ANO10: variants seen among roughly 807,000 people sequenced by gnomAD.
The protein encoded by ANO10 is anoctamin-10.
ANO10 carries 77 observed loss-of-function variants against 74.7 expected under a neutral mutation model. The observed-to-expected ratio is 1.03, with a 90% CI of 0.86 to 1.25. The LOEUF (loss-of-function observed/expected upper bound fraction) is 1.25. ANO10 is among the 50% of genes most tolerant of loss of function. The pLI, the probability that ANO10 is intolerant of heterozygous loss-of-function variation, is 0.00. For missense variants in ANO10, 721 were observed against 778.1 expected (o/e 0.93, Z 0.87); for synonymous variants, 279 against 284.9 (o/e 0.98, Z 0.21).
At chr3:43,535,267 C>CTTTTTTTT (rs71616100) in intron 11 of ANO10, among the ~76,000 whole-genome samples, 1 of 107,894 alleles carries the variant, frequency 9.3e-6, no homozygotes, top group Non-Finnish European at 1.8e-5. Context: ...CCTAGACATT[C>CTTTTTTTT]TTTTTTTTTT....
At chr3:43,564,196 G>A (rs6441781) in intron 8 of ANO10, among the ~76,000 whole-genome samples, 2 of 151,774 alleles carry the variant, frequency 1.3e-5, no homozygotes, top group South Asian at 4.2e-4. Context: ...CCACACCCAG[G>A]TAACTTTTTG....
At chr3:43,605,068 TA>T (rs1176726903) in intron 2 of ANO10, among the ~76,000 whole-genome samples, 1 of 152,160 alleles carries the variant, frequency 6.6e-6, no homozygotes, top group African/African-American at 2.4e-5. Context: ...TGTAAAACAC[TA>T]AAACACCCGC....
At chr3:43,497,736 G>A (rs1054139428) in intron 11 of ANO10, among the ~76,000 whole-genome samples, 2 of 152,116 alleles carry the variant, frequency 1.3e-5, no homozygotes, top group Non-Finnish European at 2.9e-5. Context: ...ATGGGGGAGG[G>A]AAGCAGCATG....
intron 11 of ANO10, among the ~76,000 whole-genome samples, chr3:43,537,429 T>C (rs1003036756): frequency 5.3e-5 from 8 of 152,288 alleles, no homozygotes; most frequent in Admixed American, 2.6e-4. Context: ...CTGTGTGAAG[T>C]GCTGAAATGG....
chr3:43,405,986 C>G (rs979252247), intron 12 of ANO10, among the ~76,000 whole-genome samples: 1 of 152,130 alleles, frequency 6.6e-6, no homozygotes, highest in African/African-American at 2.4e-5. Context: ...TTTAACCATT[C>G]TTGAAAGTAT....
intron 11 of ANO10, among the ~76,000 whole-genome samples, chr3:43,439,857 G>A (rs2093133397): frequency 6.6e-6 from 1 of 152,278 alleles, no homozygotes; most frequent in Admixed American, 6.5e-5. Context: ...ATTCCAGCCT[G>A]AGTGACAGAG....
At chr3:43,423,059 T>C (rs1050499935) in intron 12 of ANO10, among the ~76,000 whole-genome samples, 1 of 152,152 alleles carries the variant, frequency 6.6e-6, no homozygotes, top group Admixed American at 6.5e-5. Flanking sequence ...TTGGGGTTAT[T>C]TTACAATCTT....
chr3:43,443,405 T>C (rs909185637), intron 11 of ANO10, among the ~76,000 whole-genome samples: 6 of 152,222 alleles, frequency 3.9e-5, no homozygotes, highest in African/African-American at 7.2e-5. Context: ...TTGGTAGGTC[T>C]GGACTTTAGG....
At chr3:43,554,687 T>C (rs544081404) in intron 10 of ANO10, among the ~76,000 whole-genome samples, 9 of 152,196 alleles carry the variant, frequency 5.9e-5, no homozygotes, top group African/African-American at 2.2e-4. Flanking sequence ...CCAGGGGGGA[T>C]TCCTCATTAT....
chr3:43,596,236 T>C (rs2082077873), intron 4 of ANO10, among the ~76,000 whole-genome samples: 1 of 152,170 alleles, frequency 6.6e-6, no homozygotes, highest in Non-Finnish European at 1.5e-5. Flanking sequence ...TACCAATGAC[T>C]TTCTTCACAG....
intron 11 of ANO10, among the ~76,000 whole-genome samples, chr3:43,450,306 C>CGAGGTGGGCAGAAGACCT (rs2074802732): frequency 6.6e-6 from 1 of 151,932 alleles, no homozygotes; most frequent in Non-Finnish European, 1.5e-5. Context: ...TTTGGGAGGG[C>CGAGGTGGGCAGAAGACCT]GAGGTGGGCA....
chr3:43,647,547 G>A (rs559597088), intron 1 of ANO10, among the ~76,000 whole-genome samples: 1 of 152,218 alleles, frequency 6.6e-6, no homozygotes, highest in South Asian at 2.1e-4. Flanking sequence ...TGATTCAAAT[G>A]TTAATCTCTT....
At chr3:43,476,185 TC>T (rs764334208) in intron 11 of ANO10, among the ~76,000 whole-genome samples, 52 of 152,234 alleles carry the variant, frequency 3.4e-4, no homozygotes, top group Non-Finnish European at 5.7e-4. Flanking sequence ...TTATCTACTT[TC>T]CCCCTAAAAT....
chr3:43,449,030 C>T (rs1008291992), intron 11 of ANO10, among the ~76,000 whole-genome samples: 4 of 151,972 alleles, frequency 2.6e-5, no homozygotes, highest in Non-Finnish European at 4.4e-5. Context: ...CGCCACCATG[C>T]CATGACTGCC....
chr3:43,625,185 A>G (rs2083480757), upstream of ANO10, among the ~76,000 whole-genome samples: 1 of 152,214 alleles, frequency 6.6e-6, no homozygotes, highest in African/African-American at 2.4e-5. Context: ...GAGAGAAAAA[A>G]AGGAATCAGC....
chr3:43,531,827 G>A (rs1195912245), intron 11 of ANO10, among the ~76,000 whole-genome samples: 5 of 151,922 alleles, frequency 3.3e-5, no homozygotes, highest in Admixed American at 6.6e-5. Flanking sequence ...CCCAGGAGGC[G>A]GAGGTTGCAG....
chr3:43,466,276 C>A (rs2075609025), intron 11 of ANO10, among the ~76,000 whole-genome samples: 1 of 147,234 alleles, frequency 6.8e-6, no homozygotes, highest in Admixed American at 7.1e-5. Flanking sequence ...GAGGCTGAGG[C>A]AGGGGAATCG....
In ANO10 at chr3:43,605,799, C is replaced by T; in HGVS notation, c.54G>A (p.Leu18=). 6.2e-7 allele frequency: 1 copy of T among 1,613,608 alleles called. No homozygotes were observed. Among genetic ancestry groups the T allele is most frequent in the Non-Finnish European group, 8.5e-7 (1 of 1,179,716 alleles). Residue 18 remains leucine (L), a synonymous_variant, in exon 2 of 13, where the codon TTG becomes TTA. Coordinates refer to ENST00000292246, the MANE Select transcript of ANO10 (RefSeq NM_018075.5). The part of the protein sequence containing the change: ...LDTSESSFTP[L]VVIELAQDVK... The stretch of plus-strand genomic sequence containing the variant: ...CATCCTGAGCAAGTTCTATGACCAC[C>T]AAAGGTGTGAAAGAACTCTCAGAAG...
At chr3:43,464,483 C>T (rs985271036) in intron 11 of ANO10, among the ~76,000 whole-genome samples, 8 of 152,010 alleles carry the variant, frequency 5.3e-5, no homozygotes, top group African/African-American at 1.9e-4. Context: ...AGTTTGAGAC[C>T]AACCTGGTCA....
Sources: gnomAD v4.1 joint callset for allele counts (sites outside exome capture counted in the v4.1 genomes callset) on GRCh38, gnomAD v4.1.1 for gene constraint, MANE v1.5 for transcripts, NCBI Gene and HGNC (gene_info 2026-07-23, HGNC 2026-07-21) for gene names.